The following KANK1 variants were observed in gnomAD, a reference collection of about 807,000 sequenced individuals.
KANK1 encodes the protein KN motif and ankyrin repeat domains 1.
In KANK1, 109 loss-of-function variants were observed where a neutral mutation model predicts 106.2. That is an observed-to-expected ratio of 1.03 (90% confidence interval 0.88 to 1.20). The LOEUF (loss-of-function observed/expected upper bound fraction) is 1.20. Ranked by LOEUF, KANK1 falls within the 50% of genes most tolerant of loss-of-function variation. The pLI, the probability that KANK1 is intolerant of heterozygous loss-of-function variation, is 0.00. For missense variants in KANK1, 2,399 were observed against 1,710.7 expected (o/e 1.40, Z -7.10); for synonymous variants, 873 against 652.2 (o/e 1.34, Z -5.16).
At chr9:735,713 G>A (rs1344707900) in intron 7 of KANK1, 5 of 436,410 alleles carry the variant, frequency 1.1e-5, no homozygotes, top group Admixed American at 2.4e-5. Flanking sequence ...CTAATACAGG[G>A]CCAGGTGCAG....
chr9:517,132 C>T (rs975645202), intron 1 of KANK1, among the ~76,000 whole-genome samples: 5 of 151,714 alleles, frequency 3.3e-5, no homozygotes, highest in East Asian at 1.9e-4. Context: ...TGTTTTGAGA[C>T]GGAGTCTCGC....
At chr9:635,946 A>G (rs903339637) in intron 1 of KANK1, among the ~76,000 whole-genome samples, 1 of 152,024 alleles carries the variant, frequency 6.6e-6, no homozygotes, top group Non-Finnish European at 1.5e-5. Flanking sequence ...AAGTGCTGGG[A>G]TTACAGGTGT....
At chr9:626,012 T>G (rs1015244815) in intron 1 of KANK1, among the ~76,000 whole-genome samples, 7 of 152,166 alleles carry the variant, frequency 4.6e-5, no homozygotes, top group African/African-American at 1.7e-4. Context: ...TTGCCATTTG[T>G]GCATTCTACA....
At chr9:552,565 G>A (rs961344075) in intron 1 of KANK1, among the ~76,000 whole-genome samples, 2 of 152,108 alleles carry the variant, frequency 1.3e-5, no homozygotes, top group Non-Finnish European at 1.5e-5. Context: ...ACAAAGGAAG[G>A]GAACTGCTCA....
intron 1 of KANK1, among the ~76,000 whole-genome samples, chr9:602,960 G>A (rs767857618): frequency 1.3e-5 from 2 of 151,756 alleles, no homozygotes; most frequent in Non-Finnish European, 2.9e-5. Context: ...TGGCTGATGG[G>A]GTTATCATAG....
chr9:633,743 C>G (rs1018434032), intron 1 of KANK1, among the ~76,000 whole-genome samples: 3 of 152,166 alleles, frequency 2.0e-5, no homozygotes, highest in Non-Finnish European at 4.4e-5. Flanking sequence ...GCCCTGAACT[C>G]CTAGACTCAA....
At chr9:494,613 CCAT>C (rs2058431444) in intron 3 of KANK1, among the ~76,000 whole-genome samples, 1 of 152,196 alleles carries the variant, frequency 6.6e-6, no homozygotes, top group African/African-American at 2.4e-5. Context: ...AAACCAGCTG[CCAT>C]GTCATGGGCA....
chr9:584,918 T>C (rs1438817204), intron 1 of KANK1, among the ~76,000 whole-genome samples: 1 of 152,202 alleles, frequency 6.6e-6, no homozygotes, highest in African/African-American at 2.4e-5. Flanking sequence ...TCCGTTTGCC[T>C]TCCTCCCAGT....
chr9:660,038 A>G, intron 1 of KANK1: 1 of 353,726 alleles, frequency 2.8e-6, no homozygotes, highest in Non-Finnish European at 5.5e-6. Flanking sequence ...GATACAAGTA[A>G]GGGTGATACC....
At chr9:543,790 C>T (rs1393317577) in intron 1 of KANK1, among the ~76,000 whole-genome samples, 1 of 152,058 alleles carries the variant, frequency 6.6e-6, no homozygotes, top group Non-Finnish European at 1.5e-5. Context: ...TTGATTGTTG[C>T]AAGACTTGAC....
chr9:691,236 ATTGACT>A (rs981245906), intron 2 of KANK1, among the ~76,000 whole-genome samples: 9 of 152,132 alleles, frequency 5.9e-5, no homozygotes, highest in African/African-American at 1.7e-4. Flanking sequence ...TAGCAAAATG[ATTGACT>A]TTGACTGCTT....
intron 1 of KANK1, 89 bp downstream of exon 1, chr9:504,843 C>T (rs1305912127): frequency 7.5e-6 from 1 of 134,108 alleles, no homozygotes; most frequent in Non-Finnish European, 1.6e-5. Flanking sequence ...TCGGGCTGGC[C>T]CCGCGCGGAG....
At chr9:551,611 C>T (rs893348698) in intron 1 of KANK1, among the ~76,000 whole-genome samples, 3 of 152,244 alleles carry the variant, frequency 2.0e-5, no homozygotes, top group African/African-American at 7.2e-5. Flanking sequence ...TTACTCTCAC[C>T]TGTGCTCCAG....
intron 1 of KANK1, among the ~76,000 whole-genome samples, chr9:561,450 A>G (rs969726609): frequency 2.0e-5 from 3 of 152,172 alleles, no homozygotes; most frequent in Admixed American, 6.5e-5. Flanking sequence ...GTCATTTCCA[A>G]TTTCTTAGTA....
chr9:546,633 T>C (rs970642370), intron 1 of KANK1, among the ~76,000 whole-genome samples: 1 of 152,138 alleles, frequency 6.6e-6, no homozygotes, highest in African/African-American at 2.4e-5. Context: ...TGTTTATTCT[T>C]ATGTAGCCAT....
intron 1 of KANK1, among the ~76,000 whole-genome samples, chr9:648,397 CGTATAT>C (rs1440270652): frequency 6.6e-6 from 1 of 151,956 alleles, no homozygotes; most frequent in Non-Finnish European, 1.5e-5. Context: ...AAAACTATGC[CGTATAT>C]GTATAAGATT....
chr9:710,332 C>G (rs1825590855), intron 2 of KANK1, among the ~76,000 whole-genome samples: 1 of 152,082 alleles, frequency 6.6e-6, no homozygotes, highest in Admixed American at 6.6e-5. Context: ...AACTTGCTTA[C>G]CCAAGCCGGG....
intron 2 of KANK1, among the ~76,000 whole-genome samples, chr9:705,702 G>T (rs990784152): frequency 9.9e-5 from 15 of 151,490 alleles, no homozygotes; most frequent in African/African-American, 3.6e-4. Flanking sequence ...AGGTTCAAGC[G>T]ATTCTCCTGC....
At chr9:660,853 A>G (rs1396551125) in intron 1 of KANK1, among the ~76,000 whole-genome samples, 1 of 152,184 alleles carries the variant, frequency 6.6e-6, no homozygotes, top group Non-Finnish European at 1.5e-5. Flanking sequence ...CCCAATAGCG[A>G]GGTGATAGGA....
Sources: gnomAD v4.1 joint callset for allele counts (sites outside exome capture counted in the v4.1 genomes callset) on GRCh38, gnomAD v4.1.1 for gene constraint, MANE v1.5 for transcripts, NCBI Gene and HGNC (gene_info 2026-07-23, HGNC 2026-07-21) for gene names.